The following SGCD variants were observed in gnomAD, a reference collection of about 807,000 sequenced individuals.
SGCD encodes sarcoglycan delta, also known as delta-sarcoglycan.
A neutral mutation model predicts 36.6 loss-of-function variants in SGCD; 18 were observed. That is an observed-to-expected ratio of 0.49 (90% CI 0.34 to 0.73). SGCD has a LOEUF of 0.73. Ranked by LOEUF, SGCD falls within the 30% of genes least tolerant of loss-of-function variation. The pLI, the probability that SGCD is intolerant of heterozygous loss-of-function variation, is 0.01. For synonymous variants in SGCD, 133 were observed against 130.6 expected (o/e 1.02, Z -0.12); for missense variants, 387 against 346.7 (o/e 1.12, Z -0.92).
Position 156,493,392 on chromosome 5 carries a change from C to T in SGCD, c.193-15209C>T, listed in dbSNP as rs147569219. ...TGTTTAACCAAATCTCTTGGCACCC[C>T]TTTGCCTAATCAACTTGACATGTAA... is the stretch of plus-strand genomic sequence containing the variant. On this transcript the variant is annotated intron_variant, in intron 3 of 8. Coordinates refer to ENST00000337851, the MANE Select transcript of SGCD (RefSeq NM_000337.6). 2.0e-4 allele frequency among the ~76,000 whole-genome samples: 31 copies of T among 152,250 alleles called. 1 individual carries two copies. The East Asian group carries it at 6.0e-3, about 29-fold the overall frequency.
At chr5:156,451,556 T>G (rs760103786) in intron 3 of SGCD, among the ~76,000 whole-genome samples, 5 of 152,176 alleles carry the variant, frequency 3.3e-5, no homozygotes, top group Non-Finnish European at 7.4e-5. Flanking sequence ...GTAGAGATGA[T>G]AGCCTTGAAA....
intron 6 of SGCD, among the ~76,000 whole-genome samples, chr5:156,635,438 G>C (rs1762789046): frequency 6.6e-6 from 1 of 152,142 alleles, no homozygotes; most frequent in African/African-American, 2.4e-5. Flanking sequence ...CTGTTGGTGG[G>C]ACTGTAAACT....
chr5:156,290,673 G>A (rs1766735709), intron 3 of SGCD, among the ~76,000 whole-genome samples: 1 of 152,150 alleles, frequency 6.6e-6, no homozygotes, highest in Admixed American at 6.6e-5. Flanking sequence ...ACATAAAGCA[G>A]CATCTAATTT....
upstream of SGCD, among the ~76,000 whole-genome samples, chr5:156,322,786 G>C (rs770426712): frequency 6.6e-6 from 1 of 152,226 alleles, no homozygotes; most frequent in Non-Finnish European, 1.5e-5. Context: ...AGCAGATGAG[G>C]CTAAAGAAGT....
chr5:156,697,386 C>T (rs1754361562), intron 7 of SGCD, among the ~76,000 whole-genome samples: 1 of 152,182 alleles, frequency 6.6e-6, no homozygotes, highest in African/African-American at 2.4e-5. Flanking sequence ...CTGCTCCCCA[C>T]ATGTGTACTT....
At chr5:156,436,556 C>G (rs1337447255) in intron 3 of SGCD, among the ~76,000 whole-genome samples, 1 of 152,164 alleles carries the variant, frequency 6.6e-6, no homozygotes, top group African/African-American at 2.4e-5. Context: ...ATCATCCAAT[C>G]CACTCCTGTG....
At chr5:155,998,685 G>C (rs9313767) in intron 1 of SGCD, among the ~76,000 whole-genome samples, 8,266 of 152,152 alleles carry the variant, frequency 0.054, 719 homozygotes, top group African/African-American at 0.18. Flanking sequence ...AGGAAAATAC[G>C]TGTGATGTAT....
intron 3 of SGCD, among the ~76,000 whole-genome samples, chr5:156,272,591 G>A (rs1366592982): frequency 6.6e-6 from 1 of 152,200 alleles, no homozygotes; most frequent in Non-Finnish European, 1.5e-5. Flanking sequence ...AGGGCCATAG[G>A]AAAAGCATAG....
the SGCD span, among the ~76,000 whole-genome samples, chr5:155,859,569 G>A: frequency 1.3e-5 from 2 of 152,092 alleles, no homozygotes; most frequent in African/African-American, 4.8e-5. Context: ...GCCCTTGCTA[G>A]AATTTCATAT....
At chr5:155,966,552 T>C (rs1175505733) in intron 1 of SGCD, among the ~76,000 whole-genome samples, 1 of 152,148 alleles carries the variant, frequency 6.6e-6, no homozygotes, top group Non-Finnish European at 1.5e-5. Flanking sequence ...TGCAGGAGAC[T>C]GGAGAATGCA....
the SGCD span, among the ~76,000 whole-genome samples, chr5:155,737,314 C>G: frequency 6.6e-6 from 1 of 152,154 alleles, no homozygotes; most frequent in African/African-American, 2.4e-5. Context: ...TAACACTTAC[C>G]CTTACTATGG....
intron 1 of SGCD, among the ~76,000 whole-genome samples, chr5:155,889,317 G>C (rs1412396691): frequency 1.3e-5 from 2 of 151,864 alleles, no homozygotes; most frequent in Admixed American, 6.6e-5. Flanking sequence ...ATCTTTGTAG[G>C]CTTGGGCTTT....
chr5:156,508,038 G>A (rs532539578), intron 3 of SGCD, among the ~76,000 whole-genome samples: 70 of 152,184 alleles, frequency 4.6e-4, no homozygotes, highest in Non-Finnish European at 8.1e-4. Flanking sequence ...ATTGATAATC[G>A]CTGAAGATGA....
intron 3 of SGCD, 124 bp from the exon 4 acceptor site, chr5:156,508,477 G>A (rs1020864970): frequency 1.6e-5 from 10 of 627,524 alleles, no homozygotes; most frequent in South Asian, 3.9e-5. Context: ...TTGAATACCC[G>A]TCCTCATTCC....
chr5:155,935,202 C>A (rs1235187528), intron 1 of SGCD, among the ~76,000 whole-genome samples: 1 of 152,186 alleles, frequency 6.6e-6, no homozygotes, highest in East Asian at 1.9e-4. Context: ...GCAATTAAGA[C>A]TCTTGGCTGA....
chr5:156,393,126 C>A (rs115751603), intron 3 of SGCD, among the ~76,000 whole-genome samples: 1 of 152,180 alleles, frequency 6.6e-6, no homozygotes, highest in Non-Finnish European at 1.5e-5. Context: ...GGACCACGCC[C>A]TTCTCTTCTC....
At chr5:156,718,272 A>C (rs1160686148) in intron 7 of SGCD, among the ~76,000 whole-genome samples, 9 of 152,114 alleles carry the variant, frequency 5.9e-5, no homozygotes, top group Non-Finnish European at 1.2e-4. Flanking sequence ...AATGAAATGA[A>C]AATAATACAC....
At chr5:155,794,518 T>C in the SGCD span, among the ~76,000 whole-genome samples, 4 of 151,958 alleles carry the variant, frequency 2.6e-5, no homozygotes, top group African/African-American at 9.7e-5. Context: ...ATTGTAGAAT[T>C]AAATAATATA....
At chr5:155,811,708 G>C in the SGCD span, among the ~76,000 whole-genome samples, 1 of 152,156 alleles carries the variant, frequency 6.6e-6, no homozygotes, top group South Asian at 2.1e-4. Flanking sequence ...ACACACACAA[G>C]ATAGTGAAAG....
Sources: gnomAD v4.1 joint callset for allele counts (sites outside exome capture counted in the v4.1 genomes callset) on GRCh38, gnomAD v4.1.1 for gene constraint, MANE v1.5 for transcripts, NCBI Gene and HGNC (gene_info 2026-07-23, HGNC 2026-07-21) for gene names.